PRORP: variants seen among roughly 807,000 people sequenced by gnomAD.
The protein encoded by PRORP is protein only RNase P catalytic subunit.
PRORP carries 51 observed loss-of-function variants against 59.4 expected under a neutral mutation model. The observed-to-expected ratio is 0.86, with a 90% CI of 0.69 to 1.08. The LOEUF is 1.08. Among genes scored for constraint, PRORP ranks in the 50% least tolerant of loss-of-function variants. PRORP has a pLI of 0.00. For synonymous variants in PRORP, 231 were observed against 245.6 expected (o/e 0.94, Z 0.55); for missense variants, 646 against 690.3 (o/e 0.94, Z 0.72).
intron 4 of PRORP, among the ~76,000 whole-genome samples, chr14:35,138,202 G>A (rs542050589): frequency 2.8e-5 from 4 of 144,570 alleles, no homozygotes; most frequent in South Asian, 4.5e-4. Context: ...CTCTTATAAG[G>A]ACACCCATCA....
intron 6 of PRORP, among the ~76,000 whole-genome samples, chr14:35,267,780 C>CA (rs964960196): frequency 3.1e-4 from 44 of 143,414 alleles, no homozygotes; most frequent in Admixed American, 1.5e-3. Flanking sequence ...GGCTCCATCT[C>CA]AAAAAAAAAA....
intron 4 of PRORP, among the ~76,000 whole-genome samples, chr14:35,176,787 A>G (rs899182707): frequency 6.6e-6 from 1 of 152,200 alleles, no homozygotes; most frequent in Non-Finnish European, 1.5e-5. Flanking sequence ...TGTTGAATAG[A>G]AGTGGTGAGA....
chr14:35,131,000 A>G lies in PRORP; in HGVS notation c.1167+3389A>G, dbSNP rs186313195. ...ACTCTGTCGCCCAGGCTGGAGTGCA[A>G]TGGCGCGATCTCAGCTTACTGCAAC... is the stretch of plus-strand genomic sequence containing the variant. On this transcript the variant is annotated intron_variant, in intron 4 of 7. Transcript: ENST00000534898. Among the ~76,000 whole-genome samples, 365 of 150,492 alleles carry G rather than the reference A, an allele frequency of 2.4e-3. 7 individuals carry two copies. The highest frequency in any genetic ancestry group is 2.6e-3 in the Non-Finnish European group (176 of 67,524).
At chr14:35,146,939 T>G (rs1368802028) in intron 4 of PRORP, among the ~76,000 whole-genome samples, 1 of 152,110 alleles carries the variant, frequency 6.6e-6, no homozygotes, top group East Asian at 1.9e-4. Context: ...AAAAAAATTT[T>G]TTTTTTAGTT....
At chr14:35,240,294 CT>C (rs3058452) in intron 5 of PRORP, among the ~76,000 whole-genome samples, 45 of 109,396 alleles carry the variant, frequency 4.1e-4, no homozygotes, top group Middle Eastern at 5.5e-3. Flanking sequence ...TTTAAACCAT[CT>C]TTTTTTTTTT....
At chr14:35,204,795 A>G (rs140003454) in intron 5 of PRORP, among the ~76,000 whole-genome samples, 2 of 152,336 alleles carry the variant, frequency 1.3e-5, no homozygotes, top group East Asian at 3.9e-4. Context: ...CCAGTTGTTC[A>G]GAAATATTAA....
At chr14:35,245,934 G>A (rs865935138) in intron 5 of PRORP, among the ~76,000 whole-genome samples, 2 of 152,092 alleles carry the variant, frequency 1.3e-5, no homozygotes, top group South Asian at 2.1e-4. Flanking sequence ...ATGAGTTTCC[G>A]TGTCTGAAAA....
Position 35,138,982 on chromosome 14 carries a change from G to C in PRORP, c.1167+11371G>C, listed in dbSNP as rs1300536368. On this transcript the variant is annotated intron_variant, in intron 4 of 7. Coordinates refer to ENST00000534898, the MANE Select transcript of PRORP (RefSeq NM_014672.4). ...ATTTTTGTATTTTTTGTAGAGACGG[G>C]GTTTTACCATGTTGGCTAGGCTGGT... 3.5e-5 allele frequency among the ~76,000 whole-genome samples: 5 copies of C among 144,790 alleles called. 1 individual carries two copies. Among genetic ancestry groups the C allele is most frequent in the African/African-American group, 1.2e-4 (5 of 40,904 alleles). 95.0% of individuals were successfully genotyped at this position (144,790 alleles called of 152,430 possible). A position where few individuals can be genotyped will look rare whatever the true frequency, so the allele number is the denominator to read the frequency against.
At chr14:35,174,628 G>A (rs972475997) in intron 4 of PRORP, among the ~76,000 whole-genome samples, 1 of 151,828 alleles carries the variant, frequency 6.6e-6, no homozygotes, top group African/African-American at 2.4e-5. Flanking sequence ...GGACCTATAC[G>A]TTTTACAGCC....
chr14:35,255,573 T>C (rs10438061), intron 5 of PRORP, among the ~76,000 whole-genome samples: 15,840 of 152,124 alleles, frequency 0.1, 898 homozygotes, highest in African/African-American at 0.16. Flanking sequence ...GAGATAGGGT[T>C]TTGCTGTGTT....
intron 5 of PRORP, among the ~76,000 whole-genome samples, chr14:35,239,791 T>G (rs1432634940): frequency 6.6e-6 from 1 of 152,076 alleles, no homozygotes; most frequent in Admixed American, 6.6e-5. Context: ...ATTAGAAAAG[T>G]TGGCTGGGCA....
chr14:35,208,476 T>C (rs1207458328), intron 5 of PRORP, among the ~76,000 whole-genome samples: 1 of 152,360 alleles, frequency 6.6e-6, no homozygotes, highest in East Asian at 1.9e-4. Flanking sequence ...TTAAATGTTC[T>C]AGTAGCCACA....
chr14:35,146,472 A>G (rs2047613498), intron 4 of PRORP, among the ~76,000 whole-genome samples: 1 of 152,128 alleles, frequency 6.6e-6, no homozygotes, highest in Non-Finnish European at 1.5e-5. Flanking sequence ...TTACAAACTG[A>G]AAGATGTGAA....
At chr14:35,205,505 A>G (rs543566041) in intron 5 of PRORP, among the ~76,000 whole-genome samples, 15 of 152,058 alleles carry the variant, frequency 9.9e-5, no homozygotes, top group Non-Finnish European at 2.1e-4. Context: ...TTTTAAATAT[A>G]GAGACAAGGT....
rs1267838109 is a variant in PRORP, at chr14:35,127,464, C to T, written c.1035-15C>T. On this transcript the variant is annotated splice_polypyrimidine_tract_variant and intron_variant, in intron 3 of 7. Transcript: ENST00000534898. The stretch of plus-strand genomic sequence containing the variant: ...GACATATTTAAATATTATTATTTAA[C>T]AATTATAATTACAGTGGCCAGTGTT... 6.7e-7 allele frequency: 1 copy of T among 1,502,130 alleles called. No individual in the cohort carries two copies. Among genetic ancestry groups the T allele is most frequent in the African/African-American group, 1.4e-5 (1 of 69,666 alleles). The allele number at this position is 1,502,130 out of a possible 1,614,324, so 93.1% of individuals were successfully genotyped here.
At chr14:35,130,470 A>G (rs1029208242) in intron 4 of PRORP, among the ~76,000 whole-genome samples, 1 of 144,952 alleles carries the variant, frequency 6.9e-6, no homozygotes, top group Admixed American at 7.0e-5. Context: ...CTTATTGCTC[A>G]TTAATGTCCT....
Position 35,145,741 on chromosome 14 carries a change from G to GAAGGAAGA in PRORP, c.1167+18137_1167+18138insAAAGGAAG, listed in dbSNP as rs1428578146. ...CTCAAAAAAGAAAGAAAGAAGGAAG[G>GAAGGAAGA]AAGGAAGGAAGGAAGGAAACAGCCC... On this transcript the variant is annotated intron_variant, in intron 4 of 7. Coordinates refer to ENST00000534898, the MANE Select transcript of PRORP (RefSeq NM_014672.4). Among the ~76,000 whole-genome samples the GAAGGAAGA allele has an allele frequency of 3.0e-4, 33 of 111,074 alleles. 1 individual carries two copies. The highest frequency in any genetic ancestry group is 1.1e-3 in the African/African-American group (33 of 30,078). The allele number at this position is 111,074 out of a possible 152,430, so 72.9% of individuals were successfully genotyped here. A position where few individuals can be genotyped will look rare whatever the true frequency, so the allele number is the denominator to read the frequency against.
intron 5 of PRORP, among the ~76,000 whole-genome samples, chr14:35,250,231 C>CAA (rs796530537): frequency 7.9e-6 from 1 of 126,986 alleles, no homozygotes; most frequent in Non-Finnish European, 1.7e-5. Flanking sequence ...GACTCGGTCT[C>CAA]AAAAAAAAAA....
chr14:35,141,456 C>G (rs1489339242), intron 4 of PRORP, among the ~76,000 whole-genome samples: 1 of 143,616 alleles, frequency 7.0e-6, no homozygotes, highest in Non-Finnish European at 1.5e-5. Flanking sequence ...TCTGTAGAGA[C>G]GGGGTCTCAC....
Sources: gnomAD v4.1 joint callset for allele counts (sites outside exome capture counted in the v4.1 genomes callset) on GRCh38, gnomAD v4.1.1 for gene constraint, MANE v1.5 for transcripts, NCBI Gene and HGNC (gene_info 2026-07-23, HGNC 2026-07-21) for gene names.